KIRREL3: variants seen among roughly 807,000 people sequenced by gnomAD.
KIRREL3 encodes kirre like nephrin family adhesion molecule 3.
A neutral mutation model predicts 89.7 loss-of-function variants in KIRREL3; 36 were observed. The ratio of observed to expected loss-of-function variants is 0.40; its 90% confidence interval spans 0.31 to 0.53. The LOEUF is 0.53. KIRREL3 is among the 20% of genes least tolerant of loss of function. KIRREL3 has a pLI of 0.49. For missense variants in KIRREL3, 864 were observed against 1,056.6 expected (o/e 0.82, Z 2.53); for synonymous variants, 445 against 441.4 (o/e 1.01, Z -0.10).
intron 1 of KIRREL3, among the ~76,000 whole-genome samples, chr11:126,942,337 T>C (rs1948478384): frequency 6.6e-6 from 1 of 151,928 alleles, no homozygotes; most frequent in Admixed American, 6.6e-5. Context: ...CATGATGTCA[T>C]CATCATCATC....
chr11:126,497,611 G>T (rs1000611806), intron 4 of KIRREL3, among the ~76,000 whole-genome samples: 1 of 152,228 alleles, frequency 6.6e-6, no homozygotes, highest in African/African-American at 2.4e-5. Flanking sequence ...AGATGCTCAA[G>T]CTCAGAGAAG....
intron 1 of KIRREL3, among the ~76,000 whole-genome samples, chr11:126,789,372 A>C (rs945039161): frequency 6.6e-6 from 1 of 152,042 alleles, no homozygotes; most frequent in Non-Finnish European, 1.5e-5. Context: ...ATTCCCACAA[A>C]GCAGAAAGTG....
In KIRREL3 at chr11:126,656,212, A is replaced by C. The variant is rs903651081; in HGVS notation, c.56-93300T>G. The C allele has an allele frequency of 1.4e-4, 65 of 455,802 alleles. No homozygotes were observed. The highest frequency in any genetic ancestry group is 1.2e-3 in the African/African-American group (61 of 50,080). 28.2% of individuals were successfully genotyped at this position (455,802 alleles called of 1,614,324 possible). A position where few individuals can be genotyped will look rare whatever the true frequency, so the allele number is the denominator to read the frequency against. On this transcript the variant is annotated intron_variant, in intron 1 of 16. Transcript: ENST00000525144. The surrounding 1 kb of genome is among the most constrained non-coding windows in gnomAD (Gnocchi z 4.0). ...GAGGGCTACAGAGTTAGGACTCCGA[A>C]GTCAGAAAGATGCCTGTTGGTTCTG...
rs1949576683 is a variant in KIRREL3, at chr11:126,976,374, T to A, written c.55+24081A>T. Reference sequence around the variant, plus strand: ...GTTGCTTCCAGGGACCACAGATTATTTTCTGAGTGTTTATGAACCGTTACA... The same window carrying A: ...GTTGCTTCCAGGGACCACAGATTATATTCTGAGTGTTTATGAACCGTTACA... On this transcript the variant is annotated intron_variant, in intron 1 of 16. Transcript: ENST00000525144. This position sits in a 1 kb window ranked among gnomAD's most constrained non-coding sequence, Gnocchi z 4.2. Among the ~76,000 whole-genome samples, 1 of 152,220 alleles carries A rather than the reference T, an allele frequency of 6.6e-6. No homozygotes were observed. Among genetic ancestry groups the A allele is most frequent in the South Asian group, 2.1e-4 (1 of 4,836 alleles).
rs541528027 is a variant in KIRREL3, at chr11:126,883,931, A to G, written c.55+116524T>C. ...ACTTTCTGATCACTGGAGCAGTTCA[A>G]CAATGGAAGCTTCTCAAAGACATGA... On this transcript the variant is annotated intron_variant, in intron 1 of 16. Transcript: ENST00000525144. The surrounding 1 kb of genome is among the most constrained non-coding windows in gnomAD (Gnocchi z 4.1). Among the ~76,000 whole-genome samples, 9 of 152,342 alleles carry G rather than the reference A, an allele frequency of 5.9e-5. No homozygotes were observed. The highest frequency in any genetic ancestry group is 1.9e-4 in the African/African-American group (8 of 41,582).
chr11:126,821,249 G>T (rs143184642), intron 1 of KIRREL3, among the ~76,000 whole-genome samples: 1 of 150,770 alleles, frequency 6.6e-6, no homozygotes, highest in Non-Finnish European at 1.5e-5. Flanking sequence ...AAGCTGGCAG[G>T]GGGACACCCC....
chr11:126,813,399 G>T (rs1368593899), intron 1 of KIRREL3, among the ~76,000 whole-genome samples: 1 of 152,094 alleles, frequency 6.6e-6, no homozygotes, highest in East Asian at 1.9e-4. Flanking sequence ...GCTGCTCCTG[G>T]GGTAGTCCCT....
Position 126,653,218 on chromosome 11 carries a change from G to A in KIRREL3, c.56-90306C>T, listed in dbSNP as rs1944977045. Among the ~76,000 whole-genome samples, 1 of 152,298 alleles carries A rather than the reference G, an allele frequency of 6.6e-6. No individual in the cohort carries two copies. Among genetic ancestry groups the A allele is most frequent in the Admixed American group, 6.5e-5 (1 of 15,300 alleles). On this transcript the variant is annotated intron_variant, in intron 1 of 16. Transcript: ENST00000525144. The surrounding 1 kb of genome is among the most constrained non-coding windows in gnomAD (Gnocchi z 5.4). ...CAGTGCACTATCTACAGAATCCAACGGAGGAGGCGGTACTGGGGCCCGTGG... is the reference window on the plus strand; with the variant it reads ...CAGTGCACTATCTACAGAATCCAACAGAGGAGGCGGTACTGGGGCCCGTGG...
intron 1 of KIRREL3, among the ~76,000 whole-genome samples, chr11:126,590,796 C>T (rs139893940): frequency 9.3e-4 from 142 of 152,224 alleles, no homozygotes; most frequent in African/African-American, 3.2e-3. Context: ...TAGCGGGAGC[C>T]GCCCTTCTTG....
chr11:126,751,446 T>C (rs115580224), intron 1 of KIRREL3, among the ~76,000 whole-genome samples: 1,571 of 152,358 alleles, frequency 0.01, 29 homozygotes, highest in African/African-American at 0.036. Flanking sequence ...TTAAAAACAC[T>C]GCTCAAGTTT....
At chr11:126,512,755 TGAAGGGTATATTATCCTTGCTCTCA>T (rs1958265835) in intron 4 of KIRREL3, among the ~76,000 whole-genome samples, 1 of 152,146 alleles carries the variant, frequency 6.6e-6, no homozygotes, top group African/African-American at 2.4e-5. Context: ...TTCCAGCAGC[TGAAGGGTATATTATCCTTGCTCTCA>T]GGAGGAAGGG....
rs547665815 is a variant in KIRREL3, at chr11:126,763,043, C to A, written c.56-200131G>T. Among the ~76,000 whole-genome samples the A allele has an allele frequency of 6.6e-6, 1 of 152,254 alleles. No individual in the cohort carries two copies. Among genetic ancestry groups the A allele is most frequent in the African/African-American group, 2.4e-5 (1 of 41,538 alleles). On this transcript the variant is annotated intron_variant, in intron 1 of 16. Transcript: ENST00000525144. The surrounding 1 kb of genome is among the most constrained non-coding windows in gnomAD (Gnocchi z 4.7). ...CTGGGATTCAACTTTGAGAGCATAA[C>A]TAGGTAGGTAGAGAGGGGCTATGCC...
chr11:126,624,400 C>T lies in KIRREL3; in HGVS notation c.56-61488G>A, dbSNP rs1274309572. 6.6e-6 allele frequency among the ~76,000 whole-genome samples: 1 copy of T among 152,140 alleles called. No individual in the cohort carries two copies. Among genetic ancestry groups the T allele is most frequent in the African/African-American group, 2.4e-5 (1 of 41,432 alleles). ...TAGAACACGAAGCATGAATCACTTA[C>T]ACCAGAGATGAGAAAAGCACCATCA... On this transcript the variant is annotated intron_variant, in intron 1 of 16. Transcript: ENST00000525144. This position sits in a 1 kb window ranked among gnomAD's most constrained non-coding sequence, Gnocchi z 6.0.
In KIRREL3 at chr11:126,462,037, T is replaced by C. The variant is rs1956563561; in HGVS notation, c.742+1120A>G. On this transcript the variant is annotated intron_variant, in intron 6 of 16. Coordinates refer to ENST00000525144, the MANE Select transcript of KIRREL3 (RefSeq NM_032531.4). This position sits in a 1 kb window ranked among gnomAD's most constrained non-coding sequence, Gnocchi z 4.8. ...CTCTTTAAACTGAACTAATCCAGTC[T>C]TGAGAGGAAGGCCCCTGGAACACCT... Among the ~76,000 whole-genome samples, 3 of 152,116 alleles carry C rather than the reference T, an allele frequency of 2.0e-5. No homozygotes were observed. The highest frequency in any genetic ancestry group is 4.4e-5 in the Non-Finnish European group (3 of 68,032).
At chr11:126,756,346 A>T (rs1171004454) in intron 1 of KIRREL3, among the ~76,000 whole-genome samples, 1 of 152,234 alleles carries the variant, frequency 6.6e-6, no homozygotes, top group Non-Finnish European at 1.5e-5. Context: ...ATAGAATAAT[A>T]ATGAATGTCT....
At chr11:126,798,124 G>T (rs1950871021) in intron 1 of KIRREL3, among the ~76,000 whole-genome samples, 1 of 152,130 alleles carries the variant, frequency 6.6e-6, no homozygotes, top group South Asian at 2.1e-4. Context: ...GTGCCTGGGG[G>T]CTCCAGGCAG....
rs1249136785 is a variant in KIRREL3, at chr11:126,985,338, T to C, written c.55+15117A>G. 6.6e-6 allele frequency among the ~76,000 whole-genome samples: 1 copy of C among 152,050 alleles called. No individual in the cohort carries two copies. Among genetic ancestry groups the C allele is most frequent in the Non-Finnish European group, 1.5e-5 (1 of 68,018 alleles). On this transcript the variant is annotated intron_variant, in intron 1 of 16. Coordinates refer to ENST00000525144, the MANE Select transcript of KIRREL3 (RefSeq NM_032531.4). The surrounding 1 kb of genome is among the most constrained non-coding windows in gnomAD (Gnocchi z 5.3). ...TCCAACAAAGCCACTGCACGGTAGA[T>C]GGAGGTGAGAAGGACCCAGCCCTGG...
At position 126,427,406 on chromosome 11, in the gene KIRREL3, T is replaced by A. The variant is rs924102479; in HGVS notation, c.1807-1682A>T. On this transcript the variant is annotated intron_variant, in intron 15 of 16. Coordinates refer to ENST00000525144, the MANE Select transcript of KIRREL3 (RefSeq NM_032531.4). This position sits in a 1 kb window ranked among gnomAD's most constrained non-coding sequence, Gnocchi z 5.3. ...TAAAGGAGGCACATACAAAGTGTTT[T>A]GGGAGAGCAGAAGGTGCACAGCTCC... 6.6e-6 allele frequency among the ~76,000 whole-genome samples: 1 copy of A among 152,058 alleles called. No homozygotes were observed. The highest frequency in any genetic ancestry group is 1.5e-5 in the Non-Finnish European group (1 of 67,980).
intron 2 of KIRREL3, among the ~76,000 whole-genome samples, chr11:126,548,438 A>C (rs561246302): frequency 1.3e-5 from 2 of 152,258 alleles, no homozygotes; most frequent in African/African-American, 4.8e-5. Context: ...CACTCCACCC[A>C]TGCCCTACAG....
Sources: gnomAD v4.1 joint callset for allele counts (sites outside exome capture counted in the v4.1 genomes callset) on GRCh38, gnomAD v4.1.1 for gene constraint, Gnocchi (gnomAD v3.1) non-coding constraint, MANE v1.5 for transcripts, NCBI Gene and HGNC (gene_info 2026-07-23, HGNC 2026-07-21) for gene names.